ACAD11: variants seen among roughly 807,000 people sequenced by gnomAD.
ACAD11 encodes the protein acyl-Coenzyme A dehydrogenase family, member 11.
In ACAD11, 83 loss-of-function variants were observed where a neutral mutation model predicts 102.2. That is an observed-to-expected ratio of 0.81 (90% CI 0.68 to 0.97). The LOEUF (loss-of-function observed/expected upper bound fraction) is 0.97. Among genes scored for constraint, ACAD11 ranks in the 50% least tolerant of loss-of-function variants. The pLI is 0.00. For missense variants in ACAD11, 901 were observed against 951.7 expected, an observed-to-expected ratio of 0.95 and a Z score of 0.70; for synonymous variants, 324 against 319.8, an observed-to-expected ratio of 1.01 and a Z score of -0.14.
rs562548654 is a variant in ACAD11, at chr3:132,616,928, A to G, written c.1414+1706T>C. 2.6e-5 allele frequency among the ~76,000 whole-genome samples: 4 copies of G among 152,344 alleles called. No individual in the cohort carries two copies. In the South Asian group the frequency reaches 8.3e-4, roughly 32 times the overall value. ...GTTCAACCATTATCAGAAATCTACA[A>G]ACTATTTTAATGATGCCAAAGCAAT... On this transcript the variant is annotated intron_variant, in intron 11 of 19. Transcript: ENST00000264990.
intron 6 of ACAD11, 102 bp from the exon 7 acceptor site, chr3:132,630,660 C>T (rs976156123): frequency 1.1e-6 from 1 of 942,802 alleles, no homozygotes; most frequent in African/African-American, 1.7e-5. Flanking sequence ...AATGTAATAA[C>T]CATTAGCCCT....
chr3:132,630,463 A>G lies in ACAD11; in HGVS notation c.937T>C (p.Tyr313His). Residue 313 changes from tyrosine (Y) to histidine (H), a missense_variant, in exon 7 of 20, where the codon TAT (tyrosine) becomes CAT (histidine). By Grantham distance (83) the Tyr-to-His change is moderately conservative (BLOSUM62 2). Transcript: ENST00000264990. ...TGTGCTATTCCAGCCATCTTAAAAT[A>G]TGAAAGGGCAAGAAAGAAATTCCAG... ...PNWNFFLALS[Y>H]FKMAGIAQGV... The G allele has an allele frequency of 6.2e-7, 1 of 1,613,106 alleles. No individual in the cohort carries two copies. The highest frequency in any genetic ancestry group is 8.5e-7 in the Non-Finnish European group (1 of 1,179,426).
intron 1 of ACAD11, among the ~76,000 whole-genome samples, chr3:132,656,862 TA>T (rs1346618353): frequency 6.7e-5 from 10 of 150,358 alleles, no homozygotes; most frequent in Non-Finnish European, 1.2e-4. Context: ...TTTTTTTTTT[TA>T]ATTTGCATTT....
chr3:132,612,847 T>A (rs62291497), intron 11 of ACAD11, among the ~76,000 whole-genome samples: 22 of 151,908 alleles, frequency 1.4e-4, no homozygotes, highest in Non-Finnish European at 2.1e-4. Context: ...AACTAGAAAT[T>A]CCATTTGACC....
chr3:132,617,972 G>A (rs1355248588), intron 11 of ACAD11, among the ~76,000 whole-genome samples: 1 of 152,118 alleles, frequency 6.6e-6, no homozygotes, highest in African/African-American at 2.4e-5. Flanking sequence ...CATTTTCTCA[G>A]TGAGGCCTAT....
intron 17 of ACAD11, among the ~76,000 whole-genome samples, chr3:132,568,856 T>G (rs1457527595): frequency 7.4e-6 from 1 of 134,332 alleles, no homozygotes; most frequent in Non-Finnish European, 1.6e-5. Flanking sequence ...CATACAAAAG[T>G]TAACTCAAAA....
chr3:132,576,898 A>C (rs1444592944), intron 16 of ACAD11, 46 bp downstream of exon 16: 1 of 1,302,530 alleles, frequency 7.7e-7, no homozygotes, highest in Non-Finnish European at 1.1e-6. Flanking sequence ...TTAGAGCTGA[A>C]ATATTAATGT....
At chr3:132,618,606 A>C in intron 11 of ACAD11, 28 bp downstream of exon 11, 1 of 1,520,772 alleles carries the variant, frequency 6.6e-7, no homozygotes, top group South Asian at 1.3e-5. Context: ...ATATTAGAAA[A>C]AATTATGTTT....
At position 132,605,053 on chromosome 3, in the gene ACAD11, C is replaced by T. The variant is rs73000188; in HGVS notation, c.1522+45G>A. The T allele has an allele frequency of 3.2e-4, 470 of 1,461,718 alleles. No homozygotes were observed. In the African/African-American group the frequency reaches 5.1e-3, roughly 16 times the overall value. The allele number at this position is 1,461,718 out of a possible 1,614,324, so 90.5% of individuals were successfully genotyped here. On this transcript the variant is annotated intron_variant, in intron 12 of 19. Coordinates refer to ENST00000264990, the MANE Select transcript of ACAD11 (RefSeq NM_032169.5). ...TTCTTCAGCTCATCCATAATAACTC[C>T]GGGACGACTGACTACACAAGGAGAG...
intron 11 of ACAD11, among the ~76,000 whole-genome samples, chr3:132,609,355 G>C (rs1296314232): frequency 1.3e-5 from 2 of 152,010 alleles, no homozygotes; most frequent in African/African-American, 4.8e-5. Flanking sequence ...TCCAGGAGCT[G>C]TTTTTTTGAA....
Position 132,578,709 on chromosome 3 carries a change from T to C in ACAD11, c.1774+87A>G, listed in dbSNP as rs532605534. ...AAGGAATATCTAAGAATCTATCTTA[T>C]GCATTAAAATGCTATTGCCTTCAAT... On this transcript the variant is annotated intron_variant, in intron 15 of 19. Transcript: ENST00000264990. 7 of 1,378,298 alleles carry C rather than the reference T, an allele frequency of 5.1e-6. No homozygotes were observed. The East Asian group carries it at 1.4e-4, about 27-fold the overall frequency. The allele number at this position is 1,378,298 out of a possible 1,614,324, so 85.4% of individuals were successfully genotyped here.
chr3:132,566,872 G>A (rs1274572311), intron 17 of ACAD11, among the ~76,000 whole-genome samples: 1 of 152,124 alleles, frequency 6.6e-6, no homozygotes, highest in African/African-American at 2.4e-5. Flanking sequence ...AATAAAATTC[G>A]TTTGCTTTCT....
Position 132,558,966 on chromosome 3 carries a change from C to A in ACAD11, c.*5G>T. 2 of 1,605,434 alleles carry A rather than the reference C, an allele frequency of 1.2e-6. No individual in the cohort carries two copies. On this transcript the variant is annotated 3_prime_UTR_variant, in exon 20 of 20. Transcript: ENST00000264990. ...TGCCAGTGGGATGTGGCAGTGCCACCCTCCTTATATCTTGGCTGTCAGTCT... is the reference window on the plus strand; with the variant it reads ...TGCCAGTGGGATGTGGCAGTGCCACACTCCTTATATCTTGGCTGTCAGTCT...
intron 17 of ACAD11, among the ~76,000 whole-genome samples, chr3:132,567,514 A>C (rs952175703): frequency 1.3e-5 from 2 of 152,206 alleles, no homozygotes; most frequent in Admixed American, 6.5e-5. Flanking sequence ...TAGTTCTAAA[A>C]ATGTTAAATT....
chr3:132,646,342 G>A (rs1418497740), intron 1 of ACAD11: 2 of 152,132 alleles, frequency 1.3e-5, no homozygotes, highest in African/African-American at 2.4e-5. Context: ...CTTGTGATCC[G>A]CCTGCCTGGG....
At chr3:132,640,099 AG>A (rs2107881590) in intron 4 of ACAD11, among the ~76,000 whole-genome samples, 1 of 152,210 alleles carries the variant, frequency 6.6e-6, no homozygotes, top group African/African-American at 2.4e-5. Flanking sequence ...GGGGACTAGA[AG>A]AAAAAAGAAG....
At chr3:132,631,776 T>C (rs932775466) in intron 5 of ACAD11, among the ~76,000 whole-genome samples, 1 of 152,186 alleles carries the variant, frequency 6.6e-6, no homozygotes, top group Non-Finnish European at 1.5e-5. Context: ...TGGAAGTAAT[T>C]GTGATAAAAA....
intron 11 of ACAD11, among the ~76,000 whole-genome samples, chr3:132,617,172 T>C (rs1049358221): frequency 2.6e-5 from 4 of 152,182 alleles, no homozygotes; most frequent in Non-Finnish European, 5.9e-5. Context: ...ACAAATCAAG[T>C]GCTAGTCCTT....
intron 9 of ACAD11, among the ~76,000 whole-genome samples, chr3:132,622,211 T>C (rs1394054442): frequency 1.3e-5 from 2 of 152,188 alleles, no homozygotes; most frequent in Non-Finnish European, 1.5e-5. Context: ...TACACTCATA[T>C]AACAATGTAC....
Sources: gnomAD v4.1 joint callset for allele counts (sites outside exome capture counted in the v4.1 genomes callset) on GRCh38, gnomAD v4.1.1 for gene constraint, MANE v1.5 for transcripts, NCBI Gene and HGNC (gene_info 2026-07-23, HGNC 2026-07-21) for gene names.